Variants in DOP1B observed in about 807,000 individuals in gnomAD.
DOP1B encodes protein DOP1B.
A neutral mutation model predicts 233.5 loss-of-function variants in DOP1B; 174 were observed. The observed-to-expected ratio is 0.75, with a 90% CI of 0.66 to 0.85. DOP1B has a LOEUF of 0.85. DOP1B is among the 40% of genes least tolerant of loss of function. The pLI is 0.00. For missense variants in DOP1B, 2,652 were observed against 2,846.6 expected, an observed-to-expected ratio of 0.93 and a Z score of 1.56; for synonymous variants, 1,190 against 1,185.6, an observed-to-expected ratio of 1.00 and a Z score of -0.08.
At chr21:36,277,931 C>T (rs749125076) in intron 28 of DOP1B, 44 bp from the exon 29 acceptor site, 5 of 1,529,508 alleles carry the variant, frequency 3.3e-6, no homozygotes, top group Admixed American at 1.7e-5. Context: ...TGTGAGCCGT[C>T]GCACCTGGCC....
chr21:36,248,319 C>T (rs534382810), intron 20 of DOP1B, 61 bp from the exon 21 acceptor site: 55 of 1,568,514 alleles, frequency 3.5e-5, no homozygotes, highest in East Asian at 4.5e-5. Context: ...CTGCTGCCCT[C>T]GTGGGAAGAA....
chr21:36,169,322 A>G (rs141946962), intron 2 of DOP1B: 377 of 777,474 alleles, frequency 4.8e-4, no homozygotes, highest in Non-Finnish European at 6.7e-4. Context: ...GCCCTGGTCA[A>G]TCTTACAGAT....
At chr21:36,164,896 A>G in intron 2 of DOP1B, 25 bp downstream of exon 2, 1 of 1,500,466 alleles carries the variant, frequency 6.7e-7, no homozygotes, top group Non-Finnish European at 8.9e-7. Flanking sequence ...TCCTATTTGG[A>G]TTGCATGGAG....
At chr21:36,221,309 A>G (rs886869446) in intron 10 of DOP1B, among the ~76,000 whole-genome samples, 2 of 151,892 alleles carry the variant, frequency 1.3e-5, no homozygotes, top group African/African-American at 4.8e-5. Flanking sequence ...CCTGGCCAAC[A>G]TGACAAAACC....
chr21:36,193,683 G>A lies in DOP1B; in HGVS notation c.139-5387G>A, dbSNP rs372987092. Among the ~76,000 whole-genome samples the A allele has an allele frequency of 7.7e-4, 117 of 152,098 alleles. No individual in the cohort carries two copies. In the South Asian group the frequency reaches 0.022, roughly 29 times the overall value. On this transcript the variant is annotated intron_variant, in intron 2 of 36. Transcript: ENST00000691173. ...AAATGTGCTGTCCCTCTTGTGTCTG[G>A]TGCTGGCCTTCAGTGAGACTGAAGG... is the stretch of plus-strand genomic sequence containing the variant.
In DOP1B at chr21:36,230,662, G is replaced by A. The variant is rs753210485; in HGVS notation, c.1878G>A (p.Thr626=). 39 of 1,614,074 alleles carry A rather than the reference G, an allele frequency of 2.4e-5. No homozygotes were observed. The highest frequency in any genetic ancestry group is 1.6e-4 in the Middle Eastern group (1 of 6,084). Residue 626 remains threonine (T), a synonymous_variant, in exon 14 of 37, where the codon ACG becomes ACA. Coordinates refer to ENST00000691173, the MANE Select transcript of DOP1B (RefSeq NM_001320714.2). ...VWKKGGSMQR[T]FLCIQELIAN... is the part of the protein sequence containing the mutation. ...AGAAGGGCGGGAGCATGCAGAGGAC[G>A]TTTCTTTGCATCCAAGAGCTAATCG...
chr21:36,293,957 T>G lies in DOP1B; in HGVS notation c.*386T>G. The G allele has an allele frequency of 5.9e-6, 1 of 170,630 alleles. No individual in the cohort carries two copies. The highest frequency in any genetic ancestry group is 1.3e-5 in the Non-Finnish European group (1 of 78,718). The allele number at this position is 170,630 out of a possible 1,614,324, so 10.6% of individuals were successfully genotyped here. On this transcript the variant is annotated 3_prime_UTR_variant, in exon 37 of 37. Transcript: ENST00000691173. ...AGATCACGACACTGCACTCCAGCTG[T>G]GTGACAGAATGAGACCATCTCCAAA...
chr21:36,180,945 T>C (rs2066091958), intron 2 of DOP1B, among the ~76,000 whole-genome samples: 1 of 152,176 alleles, frequency 6.6e-6, no homozygotes, highest in Non-Finnish European at 1.5e-5. Flanking sequence ...AAGACCTTCC[T>C]GTTCCTCAAG....
chr21:36,200,546 T>A, intron 4 of DOP1B, 45 bp downstream of exon 4: 1 of 1,544,024 alleles, frequency 6.5e-7, no homozygotes. Flanking sequence ...CACTGCTTTA[T>A]AAGACGCGGG....
intron 11 of DOP1B, 112 bp downstream of exon 11, chr21:36,223,462 T>G: frequency 7.3e-7 from 1 of 1,362,134 alleles, no homozygotes; most frequent in Non-Finnish European, 9.8e-7. Flanking sequence ...CTGAGTAGTC[T>G]TTCCTGAGTT....
intron 1 of DOP1B, among the ~76,000 whole-genome samples, chr21:36,158,538 G>A (rs1453716412): frequency 2.0e-5 from 3 of 152,134 alleles, no homozygotes; most frequent in Non-Finnish European, 4.4e-5. Flanking sequence ...GGGCGTGGTG[G>A]CTCACACCTG....
At chr21:36,195,020 A>G (rs2066273605) in intron 2 of DOP1B, among the ~76,000 whole-genome samples, 1 of 151,984 alleles carries the variant, frequency 6.6e-6, no homozygotes, top group East Asian at 2.0e-4. Flanking sequence ...AGCCTGAGCA[A>G]CATGGCAAAA....
intron 7 of DOP1B, among the ~76,000 whole-genome samples, chr21:36,212,725 C>T (rs182259565): frequency 2.0e-5 from 3 of 152,312 alleles, no homozygotes; most frequent in East Asian, 3.9e-4. Context: ...CCTAAGAAAA[C>T]GTATACAAAA....
intron 21 of DOP1B, among the ~76,000 whole-genome samples, chr21:36,249,005 C>T (rs1406078386): frequency 5.9e-5 from 9 of 151,320 alleles, no homozygotes; most frequent in African/African-American, 2.4e-5. Context: ...CTCAGGAGGC[C>T]GAGGCAGGAA....
At chr21:36,269,905 C>G in intron 26 of DOP1B, 108 bp from the exon 27 acceptor site, 1 of 1,165,756 alleles carries the variant, frequency 8.6e-7, no homozygotes, top group East Asian at 2.3e-5. Flanking sequence ...TACGTATATG[C>G]TCACAGCTGT....
intron 2 of DOP1B, among the ~76,000 whole-genome samples, chr21:36,185,630 A>G (rs2066156230): frequency 6.6e-6 from 1 of 152,216 alleles, no homozygotes; most frequent in African/African-American, 2.4e-5. Context: ...TGAGGGCAAC[A>G]TGTAACAATG....
In DOP1B at chr21:36,270,128, A is replaced by G; in HGVS notation, c.5603A>G (p.Glu1868Gly). 1 of 1,614,128 alleles carries G rather than the reference A, an allele frequency of 6.2e-7. No individual in the cohort carries two copies. The highest frequency in any genetic ancestry group is 1.1e-5 in the South Asian group (1 of 91,072). The change falls in exon 27 of 37, where the codon GAA (glutamate) becomes GGA (glycine). Residue 1868 changes from glutamate to glycine, a missense_variant. Coordinates refer to ENST00000691173, the MANE Select transcript of DOP1B (RefSeq NM_001320714.2). ...EVKAQPQASL[E>G]ESDAEEDLYD... Reference sequence around the variant, plus strand: ...AAGGCCCAACCTCAGGCCTCTCTAGAAGAATCTGATGCTGAGGAGGACCTG... The same window carrying G: ...AAGGCCCAACCTCAGGCCTCTCTAGGAGAATCTGATGCTGAGGAGGACCTG...
At chr21:36,164,356 G>C (rs373832502) in intron 1 of DOP1B, among the ~76,000 whole-genome samples, 40 of 152,302 alleles carry the variant, frequency 2.6e-4, no homozygotes, top group African/African-American at 9.6e-4. Flanking sequence ...AATGCCATAT[G>C]ATGGGAGGGG....
chr21:36,174,379 T>C (rs937220348), intron 2 of DOP1B, among the ~76,000 whole-genome samples: 2 of 152,158 alleles, frequency 1.3e-5, no homozygotes, highest in African/African-American at 4.8e-5. Flanking sequence ...TCCCAGCTAC[T>C]TGGGAGACTG....
Sources: allele counts gnomAD v4.1 joint callset (sites outside exome capture counted in the v4.1 genomes callset), GRCh38; gene constraint gnomAD v4.1.1; transcripts MANE v1.5; gene names NCBI Gene and HGNC (gene_info 2026-07-23, HGNC 2026-07-21).